The following RBMS2 variants were observed in gnomAD, a reference collection of about 807,000 sequenced individuals.
RBMS2 encodes the protein RNA binding motif single stranded interacting protein 2.
In RBMS2, 38 loss-of-function variants were observed where a neutral mutation model predicts 58.4. That is an observed-to-expected ratio of 0.65 (90% confidence interval 0.50 to 0.85). The LOEUF is 0.85. RBMS2 is among the 40% of genes least tolerant of loss of function. The pLI, the probability that RBMS2 is intolerant of heterozygous loss-of-function variation, is 0.00. For missense variants in RBMS2, 367 were observed against 503.7 expected (o/e 0.73, Z 2.60); for synonymous variants, 151 against 180.7 (o/e 0.84, Z 1.32).
At chr12:56,533,339 C>T (rs183510250) in intron 1 of RBMS2, among the ~76,000 whole-genome samples, 16 of 150,814 alleles carry the variant, frequency 1.1e-4, no homozygotes, top group Admixed American at 6.0e-4. Context: ...TGACCTCAAG[C>T]GATCCTCCTG....
At chr12:56,573,428 G>A (rs1174290716) in intron 5 of RBMS2, among the ~76,000 whole-genome samples, 1 of 128,272 alleles carries the variant, frequency 7.8e-6, no homozygotes, top group African/African-American at 2.9e-5. Flanking sequence ...AGTAAGCCGA[G>A]ATCGCGCCAT....
intron 5 of RBMS2, among the ~76,000 whole-genome samples, chr12:56,578,189 T>A (rs1369128089): frequency 6.6e-6 from 1 of 152,062 alleles, no homozygotes; most frequent in Non-Finnish European, 1.5e-5. Context: ...ATTACAGTGG[T>A]GTGATCTCAG....
At chr12:56,559,825 T>C (rs1367424731) in intron 1 of RBMS2, among the ~76,000 whole-genome samples, 6 of 107,592 alleles carry the variant, frequency 5.6e-5, no homozygotes, top group Admixed American at 2.7e-4. Context: ...CACTCCAGCC[T>C]GGGCAACAGA....
chr12:56,533,441 G>T (rs1264593095), intron 1 of RBMS2, among the ~76,000 whole-genome samples: 2 of 71,238 alleles, frequency 2.8e-5, no homozygotes, highest in East Asian at 7.2e-4. Flanking sequence ...TTTGAGACGG[G>T]ATCTTCCTCT....
rs533491899 is a variant in RBMS2, at chr12:56,546,448, A to C, written c.67-15969A>C. 2.0e-4 allele frequency among the ~76,000 whole-genome samples: 30 copies of C among 146,474 alleles called. No individual in the cohort carries two copies. The South Asian group carries it at 6.3e-3, about 31-fold the overall frequency. ...TATAATGTATAATATAATATGTATA[A>C]TAAAATAATATAAAATAAATGTATA... On this transcript the variant is annotated intron_variant, in intron 1 of 13. Transcript: ENST00000262031.
At chr12:56,566,360 TG>T (rs1359313141) in intron 2 of RBMS2, among the ~76,000 whole-genome samples, 1 of 152,242 alleles carries the variant, frequency 6.6e-6, no homozygotes, top group Non-Finnish European at 1.5e-5. Context: ...TAGTGATTTC[TG>T]TTCTGTCTCT....
chr12:56,564,835 G>A (rs1881048900), intron 2 of RBMS2, among the ~76,000 whole-genome samples: 1 of 152,120 alleles, frequency 6.6e-6, no homozygotes, highest in African/African-American at 2.4e-5. Flanking sequence ...TTAGCTGGGT[G>A]TGGTGGTGGG....
At chr12:56,552,528 G>A (rs1878456532) in intron 1 of RBMS2, among the ~76,000 whole-genome samples, 1 of 152,134 alleles carries the variant, frequency 6.6e-6, no homozygotes, top group Admixed American at 6.6e-5. Context: ...CAGAAGGAAA[G>A]CAAGAGAGGT....
chr12:56,587,526 T>C (rs1884838266), intron 10 of RBMS2, 28 bp from the exon 11 acceptor site: 2 of 1,609,610 alleles, frequency 1.2e-6, no homozygotes, highest in Admixed American at 1.7e-5. Context: ...ATGCTGCAGC[T>C]AACCCTGTCC....
chr12:56,573,621 A>T (rs2136494566), intron 5 of RBMS2, among the ~76,000 whole-genome samples: 1 of 151,742 alleles, frequency 6.6e-6, no homozygotes, highest in South Asian at 2.1e-4. Context: ...CATCGAACTT[A>T]TTTTGCAGGT....
intron 1 of RBMS2, among the ~76,000 whole-genome samples, chr12:56,524,782 T>C (rs774214): frequency 0.6 from 91,218 of 151,876 alleles, 28,452 homozygotes; most frequent in East Asian, 0.72. Flanking sequence ...TGCAGTGGCG[T>C]GATTTCGGCT....
At position 56,590,279 on chromosome 12, in the gene RBMS2, T is replaced by C. The variant is rs1650317774; in HGVS notation, c.*1146T>C. 3 of 152,364 alleles carry C rather than the reference T, an allele frequency of 2.0e-5. No individual in the cohort carries two copies. The South Asian group carries it at 6.2e-4, about 32-fold the overall frequency. 9.4% of individuals were successfully genotyped at this position (152,364 alleles called of 1,614,324 possible). A position where few individuals can be genotyped will look rare whatever the true frequency, so the allele number is the denominator to read the frequency against. ...CAGCTGCGACCTAGTTGAATCCACA[T>C]AGGCTCCTTCCACACGGTGGAAGAT... On this transcript the variant is annotated 3_prime_UTR_variant, in exon 14 of 14. Coordinates refer to ENST00000262031, the MANE Select transcript of RBMS2 (RefSeq NM_002898.4).
chr12:56,543,938 G>A (rs556870685), intron 1 of RBMS2, among the ~76,000 whole-genome samples: 2 of 148,840 alleles, frequency 1.3e-5, no homozygotes, highest in South Asian at 2.4e-4. Flanking sequence ...AAAGTGCTGG[G>A]ATTATAGGTG....
chr12:56,564,913 G>T lies in RBMS2; in HGVS notation c.233+2330G>T, dbSNP rs1881072619. On this transcript the variant is annotated intron_variant, in intron 2 of 13. Transcript: ENST00000262031. ...CTCTTGAACCCAGAAAGCAGACGTT[G>T]CAGTGAGCCGAGATCACGCCACCAG... Among the ~76,000 whole-genome samples the T allele has an allele frequency of 2.0e-5, 3 of 152,292 alleles. No individual in the cohort carries two copies. In the South Asian group the frequency reaches 6.2e-4, roughly 32 times the overall value.
At chr12:56,575,965 C>T (rs1351542775) in intron 5 of RBMS2, among the ~76,000 whole-genome samples, 2 of 151,898 alleles carry the variant, frequency 1.3e-5, no homozygotes, top group East Asian at 3.9e-4. Context: ...CAGTTACCCA[C>T]AGTCAACTGA....
In RBMS2 at chr12:56,571,472, T is replaced by TATG. The variant is rs554564623; in HGVS notation, c.385-222_385-220dup. On this transcript the variant is annotated intron_variant, in intron 4 of 13. Coordinates refer to ENST00000262031, the MANE Select transcript of RBMS2 (RefSeq NM_002898.4). ...ACAGCCAAACACCATTTATGACTTG[T>TATG]ATGATGGGCTTGTATAGTACTAGAA... 1.8e-4 allele frequency among the ~76,000 whole-genome samples: 27 copies of TATG among 152,322 alleles called. No homozygotes were observed. In the South Asian group the frequency reaches 3.9e-3, roughly 22 times the overall value.
intron 1 of RBMS2, among the ~76,000 whole-genome samples, chr12:56,526,163 CGGGTATGGT>C (rs1033328399): frequency 5.3e-5 from 8 of 151,408 alleles, no homozygotes; most frequent in Non-Finnish European, 1.0e-4. Context: ...AAAAATTAGC[CGGGTATGGT>C]GGTGCACGCC....
chr12:56,570,943 C>T (rs549790873), intron 4 of RBMS2, among the ~76,000 whole-genome samples: 3 of 152,260 alleles, frequency 2.0e-5, no homozygotes, highest in Admixed American at 2.0e-4. Flanking sequence ...GCCTGCTAGA[C>T]ACCTTTTCTG....
At chr12:56,580,511 G>C (rs1883797406) in intron 5 of RBMS2, 1 of 226,328 alleles carries the variant, frequency 4.4e-6, no homozygotes, top group Non-Finnish European at 9.0e-6. Context: ...GGGATTACAG[G>C]CGTGAGCCAC....
Sources: gnomAD v4.1 joint callset for allele counts (sites outside exome capture counted in the v4.1 genomes callset) on GRCh38, gnomAD v4.1.1 for gene constraint, MANE v1.5 for transcripts, NCBI Gene and HGNC (gene_info 2026-07-23, HGNC 2026-07-21) for gene names.